Variants in DNAH10 observed in about 807,000 individuals in gnomAD.
DNAH10 encodes axonemal beta dynein heavy chain 10.
Under a neutral mutation model 506.6 loss-of-function variants are expected in DNAH10, and 348 were observed. That is an observed-to-expected ratio of 0.69 (90% CI 0.63 to 0.75). DNAH10 has a LOEUF of 0.75. DNAH10 is among the 30% of genes least tolerant of loss of function. The probability of loss-of-function intolerance (pLI) is 0.00; values close to 1 mark genes in which losing one functional copy is unlikely to be tolerated. For missense variants in DNAH10, 5,179 were observed against 5,787.1 expected (o/e 0.89, Z 3.41); for synonymous variants, 2,059 against 2,198.6 (o/e 0.94, Z 1.78).
chr12:123,794,424 A>T (rs1270470704), intron 12 of DNAH10, among the ~76,000 whole-genome samples: 1 of 152,240 alleles, frequency 6.6e-6, no homozygotes, highest in Admixed American at 6.5e-5. Flanking sequence ...TTTATAATTA[A>T]CTCAGAACAA....
Position 123,820,617 on chromosome 12 carries a change from A to G in DNAH10, c.4038A>G (p.Ala1346=). The G allele has an allele frequency of 1.2e-6, 2 of 1,614,006 alleles. No homozygotes were observed. Among genetic ancestry groups the G allele is most frequent in the Non-Finnish European group, 1.7e-6 (2 of 1,179,896 alleles). The stretch of plus-strand genomic sequence containing the variant: ...TAGGTGTTTATGAAAGAGAGCTGGC[A>G]AGACATGAAAAGAGCCGTCAGGAAC... ...ELLGVYEREL[A]RHEKSRQELA... Residue 1346 remains alanine (A), a synonymous_variant, in exon 24 of 79, where the codon GCA becomes GCG. Transcript: ENST00000673944.
intron 56 of DNAH10, among the ~76,000 whole-genome samples, chr12:123,899,205 G>A (rs1329930784): frequency 1.3e-5 from 2 of 152,086 alleles, no homozygotes; most frequent in Non-Finnish European, 2.9e-5. Context: ...GCTGTTTCAA[G>A]GTTCTTTCTT....
chr12:123,875,217 TA>T lies in DNAH10; in HGVS notation c.7939-6del, dbSNP rs762127490. ...GATACTACTGTTCTCTTTTCTTTTT[TA>T]AAAAAAATCAAGGTGGATGAATATG... On this transcript the variant is annotated splice_polypyrimidine_tract_variant and intron_variant, in intron 46 of 78. Transcript: ENST00000673944. The T allele has an allele frequency of 8.8e-6, 14 of 1,595,704 alleles. No individual in the cohort carries two copies. In the African/African-American group the frequency reaches 1.2e-4, roughly 14 times the overall value.
chr12:123,786,388 A>G (rs1303206892), intron 9 of DNAH10, among the ~76,000 whole-genome samples: 1 of 148,868 alleles, frequency 6.7e-6, no homozygotes, highest in East Asian at 2.0e-4. Context: ...CGTAACCACT[A>G]TCAATGTTAG....
intron 29 of DNAH10, 38 bp from the exon 30 acceptor site, chr12:123,841,284 C>G (rs199603366): frequency 3.1e-6 from 5 of 1,601,738 alleles, no homozygotes; most frequent in Admixed American, 3.3e-5. Context: ...TCCAGAACTC[C>G]GTGCAGGTCT....
At chr12:123,781,383 C>T (rs1957643505) in intron 6 of DNAH10, 84 bp downstream of exon 6, 1 of 1,308,636 alleles carries the variant, frequency 7.6e-7, no homozygotes, top group South Asian at 1.4e-5. Context: ...CCATGCCTGG[C>T]TAACTTTTGG....
intron 30 of DNAH10, among the ~76,000 whole-genome samples, chr12:123,842,784 T>G (rs1950817585): frequency 6.6e-6 from 1 of 152,246 alleles, no homozygotes; most frequent in Admixed American, 6.5e-5. Flanking sequence ...CTGCCATGGC[T>G]GATTTCAAAG....
chr12:123,850,950 C>T lies in DNAH10; in HGVS notation c.6165C>T (p.Gly2055=), dbSNP rs764023032. ...GCATCTTCATCACCATGAACCCCGG[C>T]TACGCAGGCCGCACGGAGCTGCCCG... is the stretch of plus-strand genomic sequence containing the variant. ...RMGIFITMNP[G]YAGRTELPES... The change falls in exon 35 of 79, where the codon GGC becomes GGT. Residue 2055 remains glycine (G), a synonymous_variant. Transcript: ENST00000673944. This position sits in a 1 kb window ranked among gnomAD's most constrained non-coding sequence, Gnocchi z 5.5. 1 of 1,614,020 alleles carries T rather than the reference C, an allele frequency of 6.2e-7. No individual in the cohort carries two copies. The highest frequency in any genetic ancestry group is 1.1e-5 in the South Asian group (1 of 91,044).
At chr12:123,823,465 G>T (rs1959637931) in intron 24 of DNAH10, among the ~76,000 whole-genome samples, 2 of 151,872 alleles carry the variant, frequency 1.3e-5, no homozygotes, top group East Asian at 3.9e-4. Flanking sequence ...GAGGAGAGAA[G>T]ATTCCAGAGA....
chr12:123,893,228 T>C lies in DNAH10; in HGVS notation c.8996-5T>C. ...AGAGATCACCAGCATGTCTTCCTTT[T>C]CCAGGAATTGTACCTGCGCTTTTTT... is the stretch of plus-strand genomic sequence containing the variant. On this transcript the variant is annotated splice_region_variant and splice_polypyrimidine_tract_variant and intron_variant, in intron 52 of 78. Coordinates refer to ENST00000673944, the MANE Select transcript of DNAH10 (RefSeq NM_001372106.1). 6.2e-7 allele frequency: 1 copy of C among 1,613,820 alleles called. No individual in the cohort carries two copies. Among genetic ancestry groups the C allele is most frequent in the Non-Finnish European group, 8.5e-7 (1 of 1,179,766 alleles).
At chr12:123,835,552 G>A in intron 28 of DNAH10, 24 bp downstream of exon 28, 1 of 1,600,066 alleles carries the variant, frequency 6.2e-7, no homozygotes, top group Admixed American at 1.7e-5. Flanking sequence ...TTCTATTTTA[G>A]TAATGAAAGA....
rs1397336664 is a variant in DNAH10, at chr12:123,853,933, C to T, written c.6438+581C>T. 2.6e-5 allele frequency among the ~76,000 whole-genome samples: 4 copies of T among 151,368 alleles called. No individual in the cohort carries two copies. Among genetic ancestry groups the T allele is most frequent in the Non-Finnish European group, 4.4e-5 (3 of 67,880 alleles). On this transcript the variant is annotated intron_variant, in intron 36 of 78. Transcript: ENST00000673944. The surrounding 1 kb of genome is among the most constrained non-coding windows in gnomAD (Gnocchi z 4.7). ...GTACACATACGCACACGCACGCACA[C>T]GCACACGCACACACACACACATTTG...
chr12:123,918,968 G>T lies in DNAH10; in HGVS notation c.11506+19G>T. The T allele has an allele frequency of 6.3e-7, 1 of 1,591,008 alleles. No individual in the cohort carries two copies. ...TGCACAGGTGAGCTCTCCCCACAGA[G>T]GAGGACATGTTAGTGTAGTTTGGTG... On this transcript the variant is annotated intron_variant, in intron 65 of 78. Coordinates refer to ENST00000673944, the MANE Select transcript of DNAH10 (RefSeq NM_001372106.1).
At chr12:123,900,980 C>G (rs923146718) in intron 56 of DNAH10, among the ~76,000 whole-genome samples, 10 of 152,216 alleles carry the variant, frequency 6.6e-5, no homozygotes, top group African/African-American at 2.4e-4. Flanking sequence ...CGAAACCAAT[C>G]CTGGTGGCCA....
intron 52 of DNAH10, among the ~76,000 whole-genome samples, chr12:123,888,341 C>T (rs1952831126): frequency 6.6e-6 from 1 of 152,196 alleles, no homozygotes; most frequent in African/African-American, 2.4e-5. Flanking sequence ...CTAAAAGACA[C>T]ATCCTAAACC....
chr12:123,848,771 T>C lies in DNAH10; in HGVS notation c.5991T>C (p.Ala1997=), dbSNP rs1342407384. The C allele has an allele frequency of 1.2e-6, 2 of 1,613,886 alleles. No homozygotes were observed. Among genetic ancestry groups the C allele is most frequent in the Non-Finnish European group, 8.5e-7 (1 of 1,179,896 alleles). The change falls in exon 34 of 79, where the codon GCT becomes GCC. Residue 1997 remains alanine, a synonymous_variant. Transcript: ENST00000673944. ...KIFSGLAQCG[A]WGCFDEFNRI... is the part of the protein sequence containing the mutation. ...TCTCTGGCCTGGCACAGTGCGGGGC[T>C]TGGGGCTGCTTTGATGAGTTTAATC... is the stretch of plus-strand genomic sequence containing the variant.
chr12:123,888,978 T>C (rs772116583), intron 52 of DNAH10, among the ~76,000 whole-genome samples: 3 of 152,214 alleles, frequency 2.0e-5, no homozygotes, highest in Non-Finnish European at 4.4e-5. Flanking sequence ...TTCATTATTG[T>C]ATTGCTGTGT....
rs374645379 is a variant in DNAH10, at chr12:123,910,678, G to A, written c.10134+6G>A. On this transcript the variant is annotated splice_donor_region_variant and intron_variant, in intron 59 of 78. Coordinates refer to ENST00000673944, the MANE Select transcript of DNAH10 (RefSeq NM_001372106.1). ...TCAAGCCCAAAAGAGAGAAGGTATT[G>A]CCCGAATGTAAGACTGCCACACCAC... is the stretch of plus-strand genomic sequence containing the variant. 7 of 1,610,242 alleles carry A rather than the reference G, an allele frequency of 4.3e-6. No individual in the cohort carries two copies. Among genetic ancestry groups the A allele is most frequent in the Non-Finnish European group, 5.9e-6 (7 of 1,179,432 alleles).
rs527632386 is a variant in DNAH10 at position 123,785,651 on chromosome 12, A to G, written c.1231-95A>G. ...TGGTCTCAAGGAAAAAAAAAAAAAA[A>G]AAAGAGTGAAACTTCTTGCATGCTT... On this transcript the variant is annotated intron_variant, in intron 8 of 78. Coordinates refer to ENST00000673944, the MANE Select transcript of DNAH10 (RefSeq NM_001372106.1). This position sits in a 1 kb window ranked among gnomAD's most constrained non-coding sequence, Gnocchi z 4.1. 1.1e-4 allele frequency: 128 copies of G among 1,206,742 alleles called. No individual in the cohort carries two copies. The African/African-American group carries it at 1.9e-3, about 18-fold the overall frequency. 74.8% of individuals were successfully genotyped at this position (1,206,742 alleles called of 1,614,324 possible).
Sources: allele counts gnomAD v4.1 joint callset (sites outside exome capture counted in the v4.1 genomes callset), GRCh38; gene constraint gnomAD v4.1.1; non-coding constraint Gnocchi (gnomAD v3.1); transcripts MANE v1.5; gene names NCBI Gene and HGNC (gene_info 2026-07-23, HGNC 2026-07-21).